Variants in SEC16B observed in about 807,000 individuals in gnomAD.
The protein encoded by SEC16B is protein transport protein Sec16B.
SEC16B carries 115 observed loss-of-function variants against 141.8 expected under a neutral mutation model. The observed-to-expected ratio is 0.81, with a 90% CI of 0.70 to 0.95. The LOEUF is 0.95. SEC16B is among the 40% of genes least tolerant of loss of function. The probability of loss-of-function intolerance (pLI) is 0.00; values close to 1 mark genes in which losing one functional copy is unlikely to be tolerated. For synonymous variants in SEC16B, 493 were observed against 492.5 expected, an observed-to-expected ratio of 1.00 and a Z score of -0.01; for missense variants, 1,291 against 1,312.3, an observed-to-expected ratio of 0.98 and a Z score of 0.25.
At chr1:177,966,966 C>T (rs750294763) in intron 2 of SEC16B, among the ~76,000 whole-genome samples, 7 of 152,144 alleles carry the variant, frequency 4.6e-5, no homozygotes, top group Non-Finnish European at 1.0e-4. Flanking sequence ...GTAAATATCA[C>T]CCCAACTGGA....
chr1:177,960,386 G>A lies in SEC16B; in HGVS notation c.954C>T (p.Ser318=), dbSNP rs35891059. Residue 318 remains serine (S), a synonymous_variant, in exon 8 of 26, where the codon TCC becomes TCT. Transcript: ENST00000308284. ...LHSMEVILND[S]EEQEEMRSFS... is the part of the protein sequence containing the mutation. ...AACTTCTCATCTCCTCTTGCTCTTC[G>A]GAATCATTAAGAATAACCTGGAATA... 0.053 allele frequency: 84,525 copies of A among 1,599,234 alleles called. 2,486 individuals are homozygous for A. Among genetic ancestry groups the A allele is most frequent in the Non-Finnish European group, 0.059 (68,482 of 1,169,838 alleles).
intron 8 of SEC16B, 29 bp from the exon 9 acceptor site, chr1:177,959,004 A>G (rs1448910722): frequency 6.2e-7 from 1 of 1,603,252 alleles, no homozygotes; most frequent in Non-Finnish European, 8.5e-7. Flanking sequence ...GGGAGCAAAG[A>G]GTGAGCAGGC....
chr1:177,942,029 G>A lies in SEC16B; in HGVS notation c.1893C>T (p.Leu631=). Residue 631 remains leucine (L), a synonymous_variant, in exon 16 of 26, where the codon CTC becomes CTT. Transcript: ENST00000308284. ...AATCTGCCAGACGGGAAGCATAAAGGAGCTTATACACCTGTGAAGAGAAAA... is the reference window on the plus strand; with the variant it reads ...AATCTGCCAGACGGGAAGCATAAAGAAGCTTATACACCTGTGAAGAGAAAA... The part of the protein sequence containing the change: ...SFIPSFQVYK[L]LYASRLADYG... 1 of 1,613,720 alleles carries A rather than the reference G, an allele frequency of 6.2e-7. No homozygotes were observed. The highest frequency in any genetic ancestry group is 8.5e-7 in the Non-Finnish European group (1 of 1,179,748).
chr1:177,982,978 A>T (rs1558000764), intron 1 of SEC16B, among the ~76,000 whole-genome samples: 1 of 152,200 alleles, frequency 6.6e-6, no homozygotes, highest in Non-Finnish European at 1.5e-5. Context: ...TATCAACATT[A>T]CACTGTAAAT....
intron 1 of SEC16B, among the ~76,000 whole-genome samples, chr1:177,980,876 T>C (rs1654381575): frequency 2.0e-5 from 3 of 152,022 alleles, no homozygotes; most frequent in African/African-American, 7.3e-5. Flanking sequence ...AGAGAGGATG[T>C]GTTCTGGGCA....
At chr1:177,963,326 C>T (rs904409436) in intron 5 of SEC16B, among the ~76,000 whole-genome samples, 7 of 151,766 alleles carry the variant, frequency 4.6e-5, no homozygotes, top group Non-Finnish European at 8.8e-5. Flanking sequence ...CATCTCTGGC[C>T]GAGCGTGGTG....
intron 12 of SEC16B, chr1:177,948,524 G>C: frequency 7.7e-7 from 1 of 1,304,292 alleles, no homozygotes. Flanking sequence ...CAGCTAGGAC[G>C]ATGCAGAGGC....
chr1:177,964,076 G>T, intron 5 of SEC16B, 95 bp downstream of exon 5: 1 of 823,032 alleles, frequency 1.2e-6, no homozygotes, highest in South Asian at 1.8e-5. Flanking sequence ...CTGGCCACTG[G>T]ACATCCATCC....
chr1:177,967,464 T>G (rs6667752), intron 2 of SEC16B, among the ~76,000 whole-genome samples: 58,278 of 151,946 alleles, frequency 0.38, 11,374 homozygotes, highest in Admixed American at 0.42. Context: ...ATGGCTTCTT[T>G]AAGAAGCTCC....
chr1:177,943,671 T>C (rs1026324578), intron 15 of SEC16B, among the ~76,000 whole-genome samples: 3 of 152,328 alleles, frequency 2.0e-5, no homozygotes, highest in African/African-American at 7.2e-5. Context: ...CAAGGCAGCG[T>C]GAGCTCAGTG....
intron 5 of SEC16B, 33 bp downstream of exon 5, chr1:177,964,138 A>G: frequency 6.7e-7 from 1 of 1,500,970 alleles, no homozygotes; most frequent in South Asian, 1.2e-5. Flanking sequence ...ACACATGGCC[A>G]CAGTCTCCAG....
At chr1:177,944,340 C>G (rs1651507668) in intron 15 of SEC16B, among the ~76,000 whole-genome samples, 1 of 152,174 alleles carries the variant, frequency 6.6e-6, no homozygotes, top group Non-Finnish European at 1.5e-5. Flanking sequence ...GCAGGAGCCT[C>G]CAGCAGAGAG....
At chr1:177,930,274 C>T (rs977177551) in intron 25 of SEC16B, among the ~76,000 whole-genome samples, 1 of 152,120 alleles carries the variant, frequency 6.6e-6, no homozygotes, top group Non-Finnish European at 1.5e-5. Flanking sequence ...ACTGTGTCTC[C>T]CACATCTCAA....
Position 177,930,563 on chromosome 1 carries a change from G to A in SEC16B, c.3093C>T (p.Asn1031=), listed in dbSNP as rs1011615162. Residue 1031 remains asparagine, a synonymous_variant, in exon 25 of 26, where the codon AAC becomes AAT. Coordinates refer to ENST00000308284, the MANE Select transcript of SEC16B (RefSeq NM_033127.4). ...PALKGAVPLY[N]PSQVPQLPTA... ...TCCTTACCTGAGGCACCTGAGATGG[G>A]TTGTAAAGAGGAACAGCCCCTTTTA... 2 of 1,613,578 alleles carry A rather than the reference G, an allele frequency of 1.2e-6. No individual in the cohort carries two copies. Among genetic ancestry groups the A allele is most frequent in the Non-Finnish European group, 1.7e-6 (2 of 1,179,716 alleles).
At chr1:177,933,151 C>G in intron 22 of SEC16B, 63 bp downstream of exon 22, 1 of 1,357,030 alleles carries the variant, frequency 7.4e-7, no homozygotes, top group Non-Finnish European at 1.0e-6. Flanking sequence ...CTCCTAGGTG[C>G]TGAGGCAGCT....
chr1:177,949,054 T>A (rs1044886082), intron 12 of SEC16B, among the ~76,000 whole-genome samples: 1 of 152,088 alleles, frequency 6.6e-6, no homozygotes, highest in African/African-American at 2.4e-5. Context: ...TAACTAAGAT[T>A]TGGAGTTAAA....
intron 13 of SEC16B, 85 bp from the exon 14 acceptor site, chr1:177,946,616 A>C: frequency 9.7e-7 from 1 of 1,028,918 alleles, no homozygotes; most frequent in Non-Finnish European, 1.5e-6. Flanking sequence ...GACAGATGGA[A>C]GAGTGGCCTC....
chr1:177,962,948 A>T (rs1653193338), intron 5 of SEC16B, among the ~76,000 whole-genome samples: 1 of 148,350 alleles, frequency 6.7e-6, no homozygotes, highest in Admixed American at 6.7e-5. Flanking sequence ...CTCTACTAAA[A>T]AATACAAAAA....
At chr1:177,948,095 T>C (rs1011923881) in intron 12 of SEC16B, among the ~76,000 whole-genome samples, 153 bp from the exon 13 acceptor site, 7 of 152,174 alleles carry the variant, frequency 4.6e-5, no homozygotes, top group African/African-American at 1.4e-4. Context: ...AGAGCTCTCA[T>C]CTTTAAAAAA....
Sources: allele counts gnomAD v4.1 joint callset (sites outside exome capture counted in the v4.1 genomes callset), GRCh38; gene constraint gnomAD v4.1.1; transcripts MANE v1.5; gene names NCBI Gene and HGNC (gene_info 2026-07-23, HGNC 2026-07-21).